SNX29: variants seen among roughly 807,000 people sequenced by gnomAD.
SNX29 encodes sorting nexin 29, also known as sorting nexin-29.
In SNX29, 78 loss-of-function variants were observed where a neutral mutation model predicts 102.1. The ratio of observed to expected loss-of-function variants is 0.76; its 90% CI spans 0.64 to 0.92. The LOEUF is 0.92. Among genes scored for constraint, SNX29 ranks in the 40% least tolerant of loss-of-function variants. The pLI is 0.00. For synonymous variants in SNX29, 580 were observed against 414.5 expected, an observed-to-expected ratio of 1.40 and a Z score of -4.85; for missense variants, 1,280 against 1,061.7, an observed-to-expected ratio of 1.21 and a Z score of -2.86.
At chr16:12,105,680 C>T (rs117636664) in intron 11 of SNX29, among the ~76,000 whole-genome samples, 2 of 152,274 alleles carry the variant, frequency 1.3e-5, no homozygotes, top group Admixed American at 6.5e-5. Context: ...ACTCAAAACA[C>T]AGAGACAATG....
Position 12,360,315 on chromosome 16 carries a change from CTTT to C in SNX29, c.1899+4040_1899+4042del, listed in dbSNP as rs148265603. On this transcript the variant is annotated intron_variant, in intron 16 of 20. Transcript: ENST00000566228. Reference sequence around the variant, plus strand: ...TTGTAGATTCCCTTGCTGTCACTCTCTTTTTTCCCTTGTCTTTTTTGTCATTAT... The same window carrying C: ...TTGTAGATTCCCTTGCTGTCACTCTCTTTCCCTTGTCTTTTTTGTCATTAT... 3.1e-3 allele frequency among the ~76,000 whole-genome samples: 467 copies of C among 152,256 alleles called. 7 individuals are homozygous for C. Among genetic ancestry groups the C allele is most frequent in the Admixed American group, 3.9e-3 (59 of 15,296 alleles).
intron 12 of SNX29, among the ~76,000 whole-genome samples, chr16:12,127,535 C>T (rs953813850): frequency 1.5e-4 from 22 of 151,672 alleles, no homozygotes; most frequent in African/African-American, 5.3e-4. Flanking sequence ...GATCCTCCAG[C>T]GTCAGCCTTC....
chr16:12,140,539 G>A (rs1488451666), intron 13 of SNX29, among the ~76,000 whole-genome samples: 8 of 152,200 alleles, frequency 5.3e-5, no homozygotes, highest in Admixed American at 6.5e-5. Context: ...GGGTGCATGC[G>A]GTGAGGTGCA....
intron 11 of SNX29, chr16:12,095,365 A>G (rs2052723268): frequency 6.6e-6 from 1 of 152,200 alleles, no homozygotes; most frequent in African/African-American, 2.4e-5. Context: ...TGGAGCCACC[A>G]GGGGGCGCCC....
intron 14 of SNX29, among the ~76,000 whole-genome samples, chr16:12,262,639 T>C (rs932785837): frequency 2.0e-5 from 3 of 152,190 alleles, no homozygotes; most frequent in African/African-American, 7.2e-5. Flanking sequence ...ATTTGTCTGA[T>C]AGAAAACAAA....
chr16:12,323,048 GCGGTCAC>G, intron 15 of SNX29, among the ~76,000 whole-genome samples: 2 of 101,772 alleles, frequency 2.0e-5, no homozygotes, highest in African/African-American at 8.8e-5. Context: ...CTGTCAGGAT[GCGGTCAC>G]TGGAGTCACC....
chr16:12,441,065 G>T (rs543510336), intron 18 of SNX29, among the ~76,000 whole-genome samples: 7 of 148,964 alleles, frequency 4.7e-5, no homozygotes, highest in Non-Finnish European at 1.0e-4. Flanking sequence ...CATCTGTGTT[G>T]TAGCATGCAT....
intron 13 of SNX29, among the ~76,000 whole-genome samples, chr16:12,155,809 G>A (rs1218983131): frequency 6.6e-6 from 1 of 152,226 alleles, no homozygotes; most frequent in Non-Finnish European, 1.5e-5. Flanking sequence ...CCCAGGGCCT[G>A]TCTTGTTCCA....
intron 3 of SNX29, among the ~76,000 whole-genome samples, chr16:12,006,897 G>A (rs1208668179): frequency 6.6e-5 from 10 of 152,182 alleles, no homozygotes; most frequent in Non-Finnish European, 1.2e-4. Context: ...GGTATTACAG[G>A]TATGAGCCAC....
intron 20 of SNX29, 63 bp from the exon 21 acceptor site, chr16:12,568,443 C>T (rs2079105912): frequency 8.8e-6 from 14 of 1,592,440 alleles, no homozygotes; most frequent in African/African-American, 8.0e-5. Context: ...GCTCCCCTTC[C>T]TGGCCTGTGG....
At chr16:12,053,209 C>A (rs1262314113) in intron 8 of SNX29, 3 of 150,160 alleles carry the variant, frequency 2.0e-5, no homozygotes, top group African/African-American at 4.9e-5. Context: ...GCAGGAGAAT[C>A]GCTTGAATAT....
chr16:12,308,008 T>A (rs78366104), intron 15 of SNX29, among the ~76,000 whole-genome samples: 3,695 of 152,282 alleles, frequency 0.024, 69 homozygotes, highest in East Asian at 0.12. Flanking sequence ...ACTGAACCCA[T>A]CCCTCATTCT....
intron 20 of SNX29, among the ~76,000 whole-genome samples, chr16:12,557,017 C>CCCCCCT (rs1555458253): frequency 7.2e-5 from 8 of 111,056 alleles, no homozygotes; most frequent in African/African-American, 2.7e-4. Flanking sequence ...GCTAATTTAC[C>CCCCCCT]CCCCCCCCGC....
At chr16:12,145,427 A>AT (rs907122156) in intron 13 of SNX29, among the ~76,000 whole-genome samples, 17 of 151,864 alleles carry the variant, frequency 1.1e-4, no homozygotes, top group African/African-American at 3.9e-4. Context: ...TAAATACAAG[A>AT]TTTTTTTTCC....
intron 14 of SNX29, among the ~76,000 whole-genome samples, chr16:12,208,809 C>G (rs1212811529): frequency 1.3e-5 from 2 of 149,560 alleles, no homozygotes; most frequent in Admixed American, 1.3e-4. Context: ...CTACTGCACT[C>G]TAGCTTGGGC....
chr16:12,448,080 C>T (rs79529343), intron 18 of SNX29, among the ~76,000 whole-genome samples: 3,843 of 152,200 alleles, frequency 0.025, 168 homozygotes, highest in African/African-American at 0.088. Flanking sequence ...TCGCAGTGGC[C>T]CCACCAGGGC....
chr16:12,172,881 G>A (rs941682236), intron 13 of SNX29, among the ~76,000 whole-genome samples: 3 of 152,214 alleles, frequency 2.0e-5, no homozygotes, highest in Non-Finnish European at 4.4e-5. Flanking sequence ...TTTGTGGGCC[G>A]TATGGTCTTC....
rs1180155909 is a variant in SNX29, at chr16:12,570,959, G to A, written c.*2330G>A. 1.7e-5 allele frequency: 4 copies of A among 231,954 alleles called. No individual in the cohort carries two copies. Among genetic ancestry groups the A allele is most frequent in the Non-Finnish European group, 3.4e-5 (4 of 117,326 alleles). The allele number at this position is 231,954 out of a possible 1,614,324, so 14.4% of individuals were successfully genotyped here. On this transcript the variant is annotated 3_prime_UTR_variant, in exon 21 of 21. Coordinates refer to ENST00000566228, the MANE Select transcript of SNX29 (RefSeq NM_032167.5). ...GGGAGCCACATGGGGACCATCCCCA[G>A]CTGCCTGCTCCTGGTACCTCCCCCA...
At chr16:12,188,243 A>T (rs919379082) in intron 13 of SNX29, among the ~76,000 whole-genome samples, 7 of 152,174 alleles carry the variant, frequency 4.6e-5, no homozygotes, top group African/African-American at 1.7e-4. Context: ...ACTTATTTTA[A>T]TTCTGTCTGT....
Sources: allele counts gnomAD v4.1 joint callset (sites outside exome capture counted in the v4.1 genomes callset), GRCh38; gene constraint gnomAD v4.1.1; transcripts MANE v1.5; gene names NCBI Gene and HGNC (gene_info 2026-07-23, HGNC 2026-07-21).